The following INO80 variants were observed in gnomAD, a reference collection of about 807,000 sequenced individuals.
INO80 encodes INO80 complex ATPase subunit.
In INO80, 20 loss-of-function variants were observed where a neutral mutation model predicts 203.4. That is an observed-to-expected ratio of 0.10 (90% CI 0.07 to 0.14). The LOEUF (loss-of-function observed/expected upper bound fraction) is 0.14. INO80 is among the 10% of genes least tolerant of loss of function. The probability of loss-of-function intolerance (pLI) is 1.00; values close to 1 mark genes in which losing one functional copy is unlikely to be tolerated. For synonymous variants in INO80, 726 were observed against 685.2 expected (o/e 1.06, Z -0.93); for missense variants, 1,419 against 1,914.4 (o/e 0.74, Z 4.83).
intron 15 of INO80, among the ~76,000 whole-genome samples, 185 bp from the exon 16 acceptor site, chr15:41,058,966 G>A (rs1455154745): frequency 1.3e-5 from 2 of 152,046 alleles, no homozygotes; most frequent in African/African-American, 4.8e-5. Flanking sequence ...TTGTTTTGCT[G>A]TTGTTGAGAG....
chr15:41,024,192 G>A (rs1242730282), intron 25 of INO80, among the ~76,000 whole-genome samples: 3 of 152,140 alleles, frequency 2.0e-5, no homozygotes, highest in African/African-American at 7.2e-5. Context: ...ATATTTTTCA[G>A]TGTTTTGAGA....
intron 5 of INO80, among the ~76,000 whole-genome samples, chr15:41,089,746 A>G (rs2045607983): frequency 6.6e-6 from 1 of 151,126 alleles, no homozygotes; most frequent in Admixed American, 6.6e-5. Flanking sequence ...TCAATCTCAA[A>G]AAAAAAAAAA....
intron 13 of INO80, 117 bp from the exon 14 acceptor site, chr15:41,069,782 G>A: frequency 1.6e-6 from 1 of 619,822 alleles, no homozygotes; most frequent in Non-Finnish European, 2.8e-6. Context: ...GAGAAACAGT[G>A]AGTAAATCCC....
chr15:41,087,787 A>G, intron 5 of INO80, 105 bp from the exon 6 acceptor site: 1 of 1,127,780 alleles, frequency 8.9e-7, no homozygotes, highest in Non-Finnish European at 1.2e-6. Context: ...TCCTAAATAC[A>G]GTATTCTTCC....
At chr15:41,058,832 T>C (rs768590332) in intron 15 of INO80, 51 bp from the exon 16 acceptor site, 5 of 1,562,772 alleles carry the variant, frequency 3.2e-6, no homozygotes, top group East Asian at 2.2e-5. Context: ...TAATTCATAA[T>C]AAGGAACTGA....
intron 29 of INO80, among the ~76,000 whole-genome samples, chr15:40,989,467 T>C (rs1442209329): frequency 6.6e-6 from 1 of 152,212 alleles, no homozygotes; most frequent in African/African-American, 2.4e-5. Context: ...TTGTCCTTTA[T>C]ATCCAATCAA....
At chr15:41,082,260 A>C (rs1596316199) in intron 7 of INO80, among the ~76,000 whole-genome samples, 2 of 151,102 alleles carry the variant, frequency 1.3e-5, no homozygotes, top group South Asian at 4.2e-4. Context: ...CAAAAAAAAA[A>C]AAAAAAAAAA....
At chr15:41,099,506 G>T (rs1012275182) in intron 1 of INO80, among the ~76,000 whole-genome samples, 1 of 152,046 alleles carries the variant, frequency 6.6e-6, no homozygotes, top group Non-Finnish European at 1.5e-5. Flanking sequence ...TTTTGGCCAG[G>T]AGCAGTGGCT....
chr15:41,071,782 A>G, intron 12 of INO80, 67 bp downstream of exon 12: 1 of 1,405,262 alleles, frequency 7.1e-7, no homozygotes, highest in South Asian at 1.2e-5. Context: ...TCATTTCACA[A>G]TCACATTGAA....
In INO80 at chr15:41,092,129, A is replaced by G. The variant is rs1196180950; in HGVS notation, c.435T>C (p.Asp145=). The change falls in exon 5 of 36, where the codon GAT becomes GAC. Residue 145 remains aspartate, a synonymous_variant. Transcript: ENST00000648947. ...TGCTGAGATTGAGTTCTTCTTCATC[A>G]TCGTCTTCACTCTGAGAATCAGCCT... The part of the protein sequence containing the change: ...SSEADSQSED[D]DEEELNLSRE... 2 of 1,611,594 alleles carry G rather than the reference A, an allele frequency of 1.2e-6. No individual in the cohort carries two copies. Among genetic ancestry groups the G allele is most frequent in the Non-Finnish European group, 1.7e-6 (2 of 1,177,964 alleles).
rs1164328983 is a variant in INO80, at chr15:41,045,208, C to T, written c.2736-133G>A. On this transcript the variant is annotated intron_variant, in intron 23 of 35. Coordinates refer to ENST00000648947, the MANE Select transcript of INO80 (RefSeq NM_017553.3). ...TTATCATTTTAGAAACAGTTCTTTC[C>T]TACTTTCCTACTTTCAGATACATTA... 8.0e-6 allele frequency: 5 copies of T among 622,034 alleles called. No individual in the cohort carries two copies. In the Admixed American group the frequency reaches 1.1e-4, roughly 14 times the overall value. 38.5% of individuals were successfully genotyped at this position (622,034 alleles called of 1,614,324 possible). A position where few individuals can be genotyped will look rare whatever the true frequency, so the allele number is the denominator to read the frequency against.
chr15:41,003,902 A>G (rs895700810), intron 28 of INO80, among the ~76,000 whole-genome samples: 1 of 152,168 alleles, frequency 6.6e-6, no homozygotes, highest in African/African-American at 2.4e-5. Flanking sequence ...AAATACAGGC[A>G]CTCTGAGGAA....
At chr15:41,055,841 T>G (rs2044972888) in intron 17 of INO80, among the ~76,000 whole-genome samples, 1 of 152,202 alleles carries the variant, frequency 6.6e-6, no homozygotes, top group African/African-American at 2.4e-5. Context: ...TATGGCTACT[T>G]TATTACACAA....
intron 35 of INO80, among the ~76,000 whole-genome samples, chr15:40,982,587 C>T (rs1365342698): frequency 6.6e-6 from 1 of 152,152 alleles, no homozygotes; most frequent in East Asian, 1.9e-4. Context: ...GAAAACAAAT[C>T]CCCAAAGCAA....
intron 24 of INO80, among the ~76,000 whole-genome samples, chr15:41,031,833 ACT>A: frequency 6.6e-6 from 1 of 152,002 alleles, no homozygotes; most frequent in South Asian, 2.1e-4. Context: ...TTTTCTAAAG[ACT>A]CTTTTCGCAC....
At chr15:40,997,622 T>C (rs1287860139) in intron 28 of INO80, 21 bp from the exon 29 acceptor site, 2 of 1,567,384 alleles carry the variant, frequency 1.3e-6, no homozygotes, top group East Asian at 2.2e-5. Context: ...GGGAGAGATA[T>C]GTTAAAGGAA....
rs375030486 is a variant in INO80, at chr15:40,982,887, G to A, written c.4428C>T (p.Ala1476=). The stretch of plus-strand genomic sequence containing the variant: ...CTTTAGACACGTTGTACCCGTATGC[G>A]GCATAGGCAGCTGCAGAGGCCGCTG... ...GAAAASAAAY[A]AYGYNVSKGI... The change falls in exon 35 of 36, where the codon GCC becomes GCT. Residue 1476 remains alanine, a synonymous_variant. Transcript: ENST00000648947. 19 of 1,613,396 alleles carry A rather than the reference G, an allele frequency of 1.2e-5. No homozygotes were observed. The highest frequency in any genetic ancestry group is 5.3e-5 in the African/African-American group (4 of 74,922).
chr15:41,079,500 T>C (rs1052000697), intron 9 of INO80, among the ~76,000 whole-genome samples: 3 of 146,200 alleles, frequency 2.1e-5, no homozygotes, highest in African/African-American at 7.6e-5. Flanking sequence ...CGGTAGGAGA[T>C]CAAGGCAGGC....
intron 24 of INO80, among the ~76,000 whole-genome samples, chr15:41,041,606 A>G (rs1355961107): frequency 2.6e-5 from 4 of 151,168 alleles, no homozygotes; most frequent in Non-Finnish European, 5.9e-5. Flanking sequence ...ACGCCCAGCT[A>G]ATTTTTGTAT....
Sources: allele counts gnomAD v4.1 joint callset (sites outside exome capture counted in the v4.1 genomes callset), GRCh38; gene constraint gnomAD v4.1.1; transcripts MANE v1.5; gene names NCBI Gene and HGNC (gene_info 2026-07-23, HGNC 2026-07-21).